The following CSMD1 variants were observed in gnomAD, a reference collection of about 807,000 sequenced individuals.
CSMD1 encodes CUB and Sushi multiple domains 1, also known as CUB and sushi domain-containing protein 1.
In CSMD1, 213 loss-of-function variants were observed where a neutral mutation model predicts 417.5. That is an observed-to-expected ratio of 0.51 (90% CI 0.46 to 0.57). The LOEUF (loss-of-function observed/expected upper bound fraction) is 0.57, where lower values mean the gene tolerates loss of function less well. CSMD1 is among the 20% of genes least tolerant of loss of function. The pLI, the probability that CSMD1 is intolerant of heterozygous loss-of-function variation, is 0.00. For synonymous variants in CSMD1, 2,862 were observed against 1,736.8 expected (o/e 1.65, Z -16.11); for missense variants, 6,923 against 4,529.7 (o/e 1.53, Z -15.17).
chr8:3,445,545 A>G (rs1349109515), intron 12 of CSMD1, among the ~76,000 whole-genome samples: 1 of 152,126 alleles, frequency 6.6e-6, no homozygotes, highest in Non-Finnish European at 1.5e-5. Context: ...TTTTTTTTTA[A>G]TAGAACAGAC....
intron 5 of CSMD1, among the ~76,000 whole-genome samples, chr8:3,786,543 T>A (rs1330854842): frequency 6.6e-6 from 1 of 152,122 alleles, no homozygotes; most frequent in African/African-American, 2.4e-5. Context: ...TCCCGAGTAA[T>A]CATGCAGACT....
intron 5 of CSMD1, among the ~76,000 whole-genome samples, chr8:3,889,111 A>G (rs931724095): frequency 6.6e-6 from 1 of 152,132 alleles, no homozygotes; most frequent in African/African-American, 2.4e-5. Flanking sequence ...GCTGCAAGTT[A>G]GAAGTTTTAC....
intron 3 of CSMD1, among the ~76,000 whole-genome samples, chr8:4,070,654 G>A (rs141931718): frequency 6.6e-6 from 1 of 152,206 alleles, no homozygotes; most frequent in Non-Finnish European, 1.5e-5. Flanking sequence ...ACCGTGCCCG[G>A]CCACCACCTA....
intron 50 of CSMD1, among the ~76,000 whole-genome samples, chr8:3,032,309 C>G (rs1810394658): frequency 6.6e-6 from 1 of 151,802 alleles, no homozygotes; most frequent in South Asian, 2.1e-4. Flanking sequence ...GAGGAGAAAT[C>G]CCAAATAATA....
At chr8:4,480,323 C>G (rs773455745) in intron 2 of CSMD1, among the ~76,000 whole-genome samples, 4 of 152,144 alleles carry the variant, frequency 2.6e-5, no homozygotes, top group Non-Finnish European at 5.9e-5. Context: ...TGTGTTTCTG[C>G]AGCCTTTGAG....
In CSMD1 at chr8:4,713,677, C is replaced by G. The variant is rs531635719; in HGVS notation, c.86-76119G>C. Among the ~76,000 whole-genome samples the G allele has an allele frequency of 2.7e-3, 413 of 152,208 alleles. 3 individuals are homozygous for G. Among genetic ancestry groups the G allele is most frequent in the Non-Finnish European group, 3.4e-3 (234 of 68,016 alleles). ...TCTTAACAAAACAGAGGTCAGGACC[C>G]AGAGCTCCAGCTGCTCGCCACTGCC... On this transcript the variant is annotated intron_variant, in intron 1 of 69. Transcript: ENST00000635120.
chr8:4,913,336 C>G (rs1218019642), intron 1 of CSMD1, among the ~76,000 whole-genome samples: 1 of 152,156 alleles, frequency 6.6e-6, no homozygotes. Context: ...TTGTTTACAG[C>G]CTCACCTCTG....
At chr8:3,849,585 C>T (rs1011569008) in intron 5 of CSMD1, among the ~76,000 whole-genome samples, 1 of 152,122 alleles carries the variant, frequency 6.6e-6, no homozygotes, top group Non-Finnish European at 1.5e-5. Context: ...TAATGCTCCA[C>T]ATGGGAAAAG....
intron 10 of CSMD1, among the ~76,000 whole-genome samples, chr8:3,523,146 C>T (rs1270603298): frequency 6.6e-6 from 1 of 152,026 alleles, no homozygotes; most frequent in African/African-American, 2.4e-5. Flanking sequence ...AAATTGTCCT[C>T]CTTGGCATTC....
At chr8:3,218,554 C>T (rs1297018969) in intron 29 of CSMD1, among the ~76,000 whole-genome samples, 1 of 115,426 alleles carries the variant, frequency 8.7e-6, no homozygotes, top group African/African-American at 3.4e-5. Context: ...GAGCAAGACT[C>T]CATCTCAAAA....
intron 5 of CSMD1, among the ~76,000 whole-genome samples, chr8:3,913,777 A>T (rs1171912793): frequency 2.0e-5 from 3 of 152,102 alleles, no homozygotes; most frequent in Non-Finnish European, 4.4e-5. Context: ...GAGATAAACA[A>T]CTTGTATCTT....
At chr8:4,744,382 TC>T (rs1350182730) in intron 1 of CSMD1, among the ~76,000 whole-genome samples, 1 of 152,158 alleles carries the variant, frequency 6.6e-6, no homozygotes, top group Admixed American at 6.5e-5. Context: ...TATTGTCTCT[TC>T]TCCAACCTCT....
intron 26 of CSMD1, among the ~76,000 whole-genome samples, chr8:3,238,505 A>T (rs1292767464): frequency 6.6e-6 from 1 of 152,030 alleles, no homozygotes; most frequent in East Asian, 1.9e-4. Flanking sequence ...ATAATGGGCG[A>T]TGTTTCTCAG....
At chr8:3,065,522 A>C (rs10108606) in intron 49 of CSMD1, among the ~76,000 whole-genome samples, 6,167 of 152,240 alleles carry the variant, frequency 0.041, 433 homozygotes, top group African/African-American at 0.14. Flanking sequence ...GATGATAGGA[A>C]GATGGATACA....
chr8:4,200,521 A>C (rs926910785), intron 3 of CSMD1, among the ~76,000 whole-genome samples: 7 of 152,174 alleles, frequency 4.6e-5, no homozygotes, highest in Admixed American at 3.3e-4. Flanking sequence ...AATTATTTAG[A>C]AATGTATATT....
intron 3 of CSMD1, among the ~76,000 whole-genome samples, chr8:4,192,157 A>G (rs1346483009): frequency 6.6e-6 from 1 of 152,182 alleles, no homozygotes; most frequent in Non-Finnish European, 1.5e-5. Flanking sequence ...CAGTGCACCA[A>G]TAGGCATGTT....
chr8:3,856,124 C>T (rs757079300), intron 5 of CSMD1, among the ~76,000 whole-genome samples: 20 of 151,946 alleles, frequency 1.3e-4, no homozygotes, highest in Non-Finnish European at 2.4e-4. Flanking sequence ...GTGCTGGAGA[C>T]GGGGCTTGGT....
At chr8:2,980,755 C>A (rs1805338164) in intron 54 of CSMD1, among the ~76,000 whole-genome samples, 1 of 152,200 alleles carries the variant, frequency 6.6e-6, no homozygotes, top group Non-Finnish European at 1.5e-5. Flanking sequence ...GCGCAGGAGA[C>A]AATAAACCCC....
intron 49 of CSMD1, among the ~76,000 whole-genome samples, chr8:3,067,239 T>A (rs1812996665): frequency 6.6e-6 from 1 of 152,150 alleles, no homozygotes; most frequent in Non-Finnish European, 1.5e-5. Context: ...ATACTCTGTC[T>A]CTTATCGTGA....
Sources: allele counts gnomAD v4.1 joint callset (sites outside exome capture counted in the v4.1 genomes callset), GRCh38; gene constraint gnomAD v4.1.1; transcripts MANE v1.5; gene names NCBI Gene and HGNC (gene_info 2026-07-23, HGNC 2026-07-21).